Variants in PLD5 observed in about 807,000 individuals in gnomAD.
The protein encoded by PLD5 is phospholipase D family member 5, also known as inactive phospholipase D5.
A neutral mutation model predicts 61.1 loss-of-function variants in PLD5; 36 were observed. The observed-to-expected ratio is 0.59, with a 90% CI of 0.45 to 0.78. PLD5 has a LOEUF of 0.78. PLD5 is among the 30% of genes least tolerant of loss of function. The pLI is 0.00. For synonymous variants in PLD5, 243 were observed against 242.8 expected (o/e 1.00, Z -0.01); for missense variants, 515 against 644.4 (o/e 0.80, Z 2.17).
At chr1:242,458,458 AG>A (rs1357743508) in intron 1 of PLD5, among the ~76,000 whole-genome samples, 1 of 152,254 alleles carries the variant, frequency 6.6e-6, no homozygotes, top group Non-Finnish European at 1.5e-5. Context: ...TTAAGTGGAA[AG>A]GGGCAGGGGT....
chr1:242,168,214 A>G (rs552435339), intron 5 of PLD5, among the ~76,000 whole-genome samples: 1 of 152,338 alleles, frequency 6.6e-6, no homozygotes, highest in African/African-American at 2.4e-5. Context: ...AACAAATCAA[A>G]CATGTATGTC....
At position 242,494,674 on chromosome 1, in the gene PLD5, T is replaced by C. The variant is rs937984377; in HGVS notation, c.189+29414A>G. 3.3e-5 allele frequency among the ~76,000 whole-genome samples: 5 copies of C among 152,258 alleles called. No individual in the cohort carries two copies. The Middle Eastern group carries it at 0.014, about 414-fold the overall frequency. On this transcript the variant is annotated intron_variant, in intron 1 of 9. Transcript: ENST00000536534. ...TTTATGTTCCAAAATGACCACAAAC[T>C]GTCCCAAACTCACATCTGACTCTTT...
chr1:242,149,224 CAG>C (rs1249553917), intron 5 of PLD5, among the ~76,000 whole-genome samples: 3 of 151,822 alleles, frequency 2.0e-5, no homozygotes, highest in Non-Finnish European at 4.4e-5. Context: ...TGAATTTTGC[CAG>C]AGTCTTTATT....
At chr1:242,329,907 G>C (rs1659066905) in intron 2 of PLD5, among the ~76,000 whole-genome samples, 1 of 152,098 alleles carries the variant, frequency 6.6e-6, no homozygotes, top group Non-Finnish European at 1.5e-5. Context: ...TCTTAGCTAA[G>C]ATCAACCGGC....
Position 242,495,372 on chromosome 1 carries a change from CCAAA to C in PLD5, c.189+28712_189+28715del, listed in dbSNP as rs1039650500. ...TGATTTTTGTTTGTTTGTTTGTTTT[CCAAA>C]CAGAGAATAAGAAAAGTTTTAGAAG... On this transcript the variant is annotated intron_variant, in intron 1 of 9. Transcript: ENST00000536534. Among the ~76,000 whole-genome samples, 145 of 151,990 alleles carry C rather than the reference CCAAA, an allele frequency of 9.5e-4. 2 individuals are homozygous for C. Among genetic ancestry groups the C allele is most frequent in the African/African-American group, 3.3e-3 (136 of 41,448 alleles).
intron 1 of PLD5, among the ~76,000 whole-genome samples, chr1:242,395,723 C>T (rs143615978): frequency 1.3e-5 from 2 of 152,156 alleles, no homozygotes; most frequent in Admixed American, 1.3e-4. Flanking sequence ...TAAATATATT[C>T]ACACAGTAAG....
intron 1 of PLD5, among the ~76,000 whole-genome samples, chr1:242,370,978 T>C (rs958994321): frequency 6.6e-6 from 1 of 152,178 alleles, no homozygotes; most frequent in Admixed American, 6.5e-5. Context: ...TTATGATTGT[T>C]TTATGTTTCT....
At chr1:242,394,959 ATATATATGAT>A (rs1350665070) in intron 1 of PLD5, among the ~76,000 whole-genome samples, 7 of 65,366 alleles carry the variant, frequency 1.1e-4, no homozygotes, top group Non-Finnish European at 1.8e-4. Flanking sequence ...TTATATATGA[ATATATATGAT>A]TATATATGAA....
At chr1:242,136,525 T>A (rs925757023) in intron 5 of PLD5, among the ~76,000 whole-genome samples, 1 of 152,182 alleles carries the variant, frequency 6.6e-6, no homozygotes, top group South Asian at 2.1e-4. Flanking sequence ...AGTATGGGCA[T>A]GAATATGGAA....
chr1:242,412,186 A>G (rs565811998), intron 1 of PLD5, among the ~76,000 whole-genome samples: 7 of 152,270 alleles, frequency 4.6e-5, no homozygotes, highest in Admixed American at 4.6e-4. Flanking sequence ...ATTCCTGTTT[A>G]GCCCTTAGGG....
intron 5 of PLD5, among the ~76,000 whole-genome samples, chr1:242,162,345 T>TCAGTC (rs1302518857): frequency 6.6e-6 from 1 of 152,174 alleles, no homozygotes; most frequent in Non-Finnish European, 1.5e-5. Flanking sequence ...TTACACTCCA[T>TCAGTC]CAGTCGTTTC....
At chr1:242,523,902 C>A (rs997917245) in intron 1 of PLD5, among the ~76,000 whole-genome samples, 186 bp downstream of exon 1, 2 of 152,214 alleles carry the variant, frequency 1.3e-5, no homozygotes, top group Non-Finnish European at 2.9e-5. Context: ...CCTCCCCTCC[C>A]CGCAGCCCGG....
chr1:242,350,258 G>A (rs1405507926), intron 1 of PLD5, among the ~76,000 whole-genome samples: 1 of 152,046 alleles, frequency 6.6e-6, no homozygotes, highest in Non-Finnish European at 1.5e-5. Flanking sequence ...TTTTGTTATG[G>A]TAGCCCAAAA....
intron 1 of PLD5, among the ~76,000 whole-genome samples, chr1:242,510,985 A>G (rs1668890307): frequency 6.6e-6 from 1 of 152,232 alleles, no homozygotes; most frequent in African/African-American, 2.4e-5. Context: ...TGAAAATGTA[A>G]TATCATTTGT....
intron 1 of PLD5, chr1:242,377,070 T>A (rs1662005405): frequency 1.2e-6 from 2 of 1,611,700 alleles, no homozygotes. Flanking sequence ...GGAGTCATCC[T>A]CGTGGCTGGG....
intron 1 of PLD5, among the ~76,000 whole-genome samples, chr1:242,454,585 A>C (rs1001527036): frequency 1.3e-5 from 2 of 152,210 alleles, no homozygotes; most frequent in African/African-American, 4.8e-5. Flanking sequence ...AGGGGAAAAC[A>C]TATTTCATCT....
chr1:242,100,377 C>T (rs1288825306), intron 9 of PLD5, among the ~76,000 whole-genome samples: 1 of 152,186 alleles, frequency 6.6e-6, no homozygotes, highest in African/African-American at 2.4e-5. Context: ...TTTGATGAGC[C>T]ATTCTCATCC....
intron 5 of PLD5, among the ~76,000 whole-genome samples, chr1:242,203,265 C>A (rs1040213228): frequency 5.9e-5 from 9 of 152,190 alleles, no homozygotes; most frequent in Non-Finnish European, 1.2e-4. Flanking sequence ...TACGGCTTCC[C>A]CATCCCACAG....
At chr1:242,329,019 A>AT (rs35579172) in intron 2 of PLD5, among the ~76,000 whole-genome samples, 135,756 of 151,436 alleles carry the variant, frequency 0.9, 60,905 homozygotes, top group East Asian at 0.95. Context: ...TTTATTTATT[A>AT]TTTTTTTGAG....
Sources: allele counts gnomAD v4.1 joint callset (sites outside exome capture counted in the v4.1 genomes callset), GRCh38; gene constraint gnomAD v4.1.1; transcripts MANE v1.5; gene names NCBI Gene and HGNC (gene_info 2026-07-23, HGNC 2026-07-21).